INHA: variants seen among roughly 807,000 people sequenced by gnomAD.
INHA encodes inhibin alpha chain.
In INHA, 8 loss-of-function variants were observed where a neutral mutation model predicts 21.3. The ratio of observed to expected loss-of-function variants is 0.38; its 90% CI spans 0.22 to 0.68. The LOEUF is 0.68. Ranked by LOEUF, INHA falls within the 30% of genes least tolerant of loss-of-function variation. The pLI is 0.53. For synonymous variants in INHA, 231 were observed against 207.5 expected (o/e 1.11, Z -0.97); for missense variants, 436 against 465.8 (o/e 0.94, Z 0.59).
In INHA at chr2:219,574,788, A is replaced by T; in HGVS notation, c.363A>T (p.Thr121=). ...FRYMFRPSQH[T]RSRQVTSAQL... The stretch of plus-strand genomic sequence containing the variant: ...ACATGTTCCGGCCATCCCAGCATAC[A>T]CGCAGCCGCCAGGTGACTTCAGCCC... The change falls in exon 2 of 2, where the codon ACA becomes ACT. Residue 121 remains threonine (T), a synonymous_variant. Transcript: ENST00000243786. 3.7e-6 allele frequency: 6 copies of T among 1,614,108 alleles called. No individual in the cohort carries two copies. The highest frequency in any genetic ancestry group is 5.1e-6 in the Non-Finnish European group (6 of 1,180,010).
rs1025309043 is a variant in INHA, at chr2:219,575,456, C to T, written c.1031C>T (p.Ser344Leu). ...AGGCCCCTACATGTCCGCACCACCTCGGATGGAGGTTACTCTTTCAAGTAT... is the reference window on the plus strand; with the variant it reads ...AGGCCCCTACATGTCCGCACCACCTTGGATGGAGGTTACTCTTTCAAGTAT... ...TMRPLHVRTT[S>L]DGGYSFKYET... The change falls in exon 2 of 2, where the codon TCG becomes TTG. Residue 344 changes from serine to leucine, a missense_variant. By Grantham distance (145) the Ser-to-Leu change is moderately radical. Coordinates refer to ENST00000243786, the MANE Select transcript of INHA (RefSeq NM_002191.4). 11 of 1,613,956 alleles carry T rather than the reference C, an allele frequency of 6.8e-6. No homozygotes were observed. Among genetic ancestry groups the T allele is most frequent in the Admixed American group, 3.3e-5 (2 of 60,012 alleles).
rs537621466 is a variant in INHA, at chr2:219,575,026, C to T, written c.601C>T (p.Pro201Ser). 8.7e-6 allele frequency: 14 copies of T among 1,613,360 alleles called. 1 individual carries two copies. In the South Asian group the frequency reaches 1.4e-4, roughly 16 times the overall value. The part of the protein sequence containing the change: ...HPVLVLLLRC[P>S]LCTCSARPEA... ...CGTCCTGGTGCTGCTGCTGCGCTGT[C>T]CCCTCTGTACCTGCTCAGCCCGGCC... The change falls in exon 2 of 2, where the codon CCC (proline) becomes TCC (serine). Residue 201 changes from proline to serine, a missense_variant. By Grantham distance (74) the Pro-to-Ser change is moderately conservative. Transcript: ENST00000243786.
At chr2:219,574,549 G>T (rs897112591) in intron 1 of INHA, 145 bp from the exon 2 acceptor site, 2 of 652,892 alleles carry the variant, frequency 3.1e-6, no homozygotes, top group African/African-American at 1.8e-5. Flanking sequence ...AAACTCAGGA[G>T]AGTCCCCACG....
rs369278709 is a variant in INHA, at chr2:219,575,184, G to A, written c.759G>A (p.Pro253=). ...PSALRLLQRP[P]EEPAAHANCH... ...CTCTGCGCCTGCTGCAGAGGCCTCC[G>A]GAGGAACCGGCTGCCCATGCCAACT... Residue 253 remains proline (P), a synonymous_variant, in exon 2 of 2, where the codon CCG becomes CCA. Coordinates refer to ENST00000243786, the MANE Select transcript of INHA (RefSeq NM_002191.4). The A allele has an allele frequency of 3.7e-5, 60 of 1,614,268 alleles. No individual in the cohort carries two copies. The highest frequency in any genetic ancestry group is 1.0e-4 in the Admixed American group (6 of 60,038).
chr2:219,572,462 C>G lies in INHA; in HGVS notation c.88C>G (p.Leu30Val), dbSNP rs1156448678. 6.2e-7 allele frequency: 1 copy of G among 1,613,896 alleles called. No homozygotes were observed. Among genetic ancestry groups the G allele is most frequent in the African/African-American group, 1.3e-5 (1 of 74,926 alleles). ...QGLELARELVLAKVRALFLDA... is the reference protein window; with the variant it reads ...QGLELARELVVAKVRALFLDA... ...GCTGGAGCTGGCCCGGGAACTTGTT[C>G]TGGCCAAGGTGAGGGCCCTGTTCTT... The change falls in exon 1 of 2, where the codon CTG (leucine) becomes GTG (valine). Residue 30 changes from leucine (L) to valine (V), a missense_variant. Coordinates refer to ENST00000243786, the MANE Select transcript of INHA (RefSeq NM_002191.4).
intron 1 of INHA, among the ~76,000 whole-genome samples, chr2:219,573,930 C>T (rs1697476229): frequency 6.6e-6 from 1 of 150,782 alleles, no homozygotes; most frequent in Non-Finnish European, 1.5e-5. Flanking sequence ...CGAGATGGCG[C>T]CACTGCACTC....
In INHA at chr2:219,572,470, G is replaced by A. The variant is rs745568027; in HGVS notation, c.96G>A (p.Lys32=). The A allele has an allele frequency of 3.7e-6, 6 of 1,613,864 alleles. No homozygotes were observed. The East Asian group carries it at 1.3e-4, about 36-fold the overall frequency. The part of the protein sequence containing the change: ...LELARELVLA[K]VRALFLDALG... The stretch of plus-strand genomic sequence containing the variant: ...TGGCCCGGGAACTTGTTCTGGCCAA[G>A]GTGAGGGCCCTGTTCTTGGATGCCT... Residue 32 remains lysine, a synonymous_variant, in exon 1 of 2, where the codon AAG becomes AAA. Transcript: ENST00000243786.
intron 1 of INHA, 96 bp downstream of exon 1, chr2:219,572,738 C>T: frequency 7.3e-7 from 1 of 1,368,190 alleles, no homozygotes; most frequent in South Asian, 1.3e-5. Context: ...GAATCCTAGT[C>T]CTGCTACTCA....
At position 219,574,857 on chromosome 2, in the gene INHA, C is replaced by T. The variant is rs560643301; in HGVS notation, c.432C>T (p.Ala144=). The T allele has an allele frequency of 4.8e-5, 77 of 1,614,104 alleles. No homozygotes were observed. In the South Asian group the frequency reaches 8.1e-4, roughly 17 times the overall value. ...HTGLDRQGTA[A]SNSSEPLLGL... Reference sequence around the variant, plus strand: ...GGCTGGACAGGCAGGGCACAGCAGCCTCCAATAGCTCTGAGCCCCTGCTAG... The same window carrying T: ...GGCTGGACAGGCAGGGCACAGCAGCTTCCAATAGCTCTGAGCCCCTGCTAG... The change falls in exon 2 of 2, where the codon GCC becomes GCT. Residue 144 remains alanine (A), a synonymous_variant. Coordinates refer to ENST00000243786, the MANE Select transcript of INHA (RefSeq NM_002191.4).
At position 219,574,974 on chromosome 2, in the gene INHA, C is replaced by T. The variant is rs1452619393; in HGVS notation, c.549C>T (p.Thr183=). ...ACTGGGCCGTGCTGCACCTGGCCAC[C>T]TCTGCTCTCTCTCTGCTGACCCACC... is the stretch of plus-strand genomic sequence containing the variant. ...PPHWAVLHLA[T]SALSLLTHPV... Residue 183 remains threonine, a synonymous_variant, in exon 2 of 2, where the codon ACC becomes ACT. Coordinates refer to ENST00000243786, the MANE Select transcript of INHA (RefSeq NM_002191.4). The T allele has an allele frequency of 6.2e-7, 1 of 1,613,686 alleles. No individual in the cohort carries two copies. Among genetic ancestry groups the T allele is most frequent in the Non-Finnish European group, 8.5e-7 (1 of 1,180,020 alleles).
chr2:219,573,964 T>G (rs1574596296), intron 1 of INHA, among the ~76,000 whole-genome samples: 1 of 109,336 alleles, frequency 9.1e-6, no homozygotes. Flanking sequence ...AGAGCTAGAC[T>G]CCATCTCAAA....
At position 219,574,779 on chromosome 2, in the gene INHA, C is replaced by T. The variant is rs1484965880; in HGVS notation, c.354C>T (p.Ser118=). 6.2e-7 allele frequency: 1 copy of T among 1,614,130 alleles called. No homozygotes were observed. The highest frequency in any genetic ancestry group is 1.1e-5 in the South Asian group (1 of 91,090). ...EGLFRYMFRP[S]QHTRSRQVTS... ...TCTTCAGATACATGTTCCGGCCATC[C>T]CAGCATACACGCAGCCGCCAGGTGA... is the stretch of plus-strand genomic sequence containing the variant. The change falls in exon 2 of 2, where the codon TCC becomes TCT. Residue 118 remains serine (S), a synonymous_variant. Transcript: ENST00000243786.
At chr2:219,574,399 G>A (rs764449442) in intron 1 of INHA, among the ~76,000 whole-genome samples, 1 of 152,216 alleles carries the variant, frequency 6.6e-6, no homozygotes, top group Non-Finnish European at 1.5e-5. Context: ...CTGGTGAAGT[G>A]GAGAGAGGGC....
intron 1 of INHA, 124 bp downstream of exon 1, chr2:219,572,766 G>A (rs1055180727): frequency 1.8e-5 from 20 of 1,081,896 alleles, no homozygotes; most frequent in African/African-American, 3.1e-5. Flanking sequence ...TGCAGCAATA[G>A]GCCAGTTACT....
In INHA at chr2:219,572,420, G is replaced by T. The variant is rs374972575; in HGVS notation, c.46G>T (p.Gly16Trp). 32 of 1,613,948 alleles carry T rather than the reference G, an allele frequency of 2.0e-5. No homozygotes were observed. The highest frequency in any genetic ancestry group is 2.6e-5 in the Non-Finnish European group (31 of 1,180,034). Residue 16 changes from glycine to tryptophan, a missense_variant, in exon 1 of 2, where the codon GGG becomes TGG. Transcript: ENST00000243786. ...LLFLLLTPQGGHSCQGLELAR... is the reference protein window; with the variant it reads ...LLFLLLTPQGWHSCQGLELAR... Reference sequence around the variant, plus strand: ...CTTCTTGCTGCTGACCCCACAGGGTGGGCACAGCTGCCAGGGGCTGGAGCT... The same window carrying T: ...CTTCTTGCTGCTGACCCCACAGGGTTGGCACAGCTGCCAGGGGCTGGAGCT...
intron 1 of INHA, among the ~76,000 whole-genome samples, chr2:219,574,272 C>G (rs966173184): frequency 7.7e-6 from 1 of 129,500 alleles, no homozygotes; most frequent in Non-Finnish European, 1.6e-5. Flanking sequence ...CAGTAAGACT[C>G]TGTCTCAAAA....
Position 219,575,085 on chromosome 2 carries a change from G to A in INHA, c.660G>A (p.Arg220=), listed in dbSNP as rs781700503. The change falls in exon 2 of 2, where the codon CGG becomes CGA. Residue 220 remains arginine (R), a synonymous_variant. Coordinates refer to ENST00000243786, the MANE Select transcript of INHA (RefSeq NM_002191.4). ...EATPFLVAHT[R]TRPPSGGERA... is the part of the protein sequence containing the mutation. ...CGCCCTTCCTGGTGGCCCACACTCG[G>A]ACCAGACCACCCAGTGGAGGGGAGA... is the stretch of plus-strand genomic sequence containing the variant. The A allele has an allele frequency of 6.2e-7, 1 of 1,613,902 alleles. No individual in the cohort carries two copies. Among genetic ancestry groups the A allele is most frequent in the South Asian group, 1.1e-5 (1 of 91,078 alleles).
In INHA at chr2:219,574,902, G is replaced by C; in HGVS notation, c.477G>C (p.Pro159=). Residue 159 remains proline, a synonymous_variant, in exon 2 of 2, where the codon CCG becomes CCC. Coordinates refer to ENST00000243786, the MANE Select transcript of INHA (RefSeq NM_002191.4). ...EPLLGLLALS[P]GGPVAVPMSL... is the part of the protein sequence containing the mutation. ...TGCTAGGCCTGCTGGCACTGTCACC[G>C]GGAGGACCCGTGGCTGTGCCCATGT... is the stretch of plus-strand genomic sequence containing the variant. 1 of 1,614,170 alleles carries C rather than the reference G, an allele frequency of 6.2e-7. No individual in the cohort carries two copies. The highest frequency in any genetic ancestry group is 1.1e-5 in the South Asian group (1 of 91,082).
rs925032942 is a variant in INHA at position 219,574,837 on chromosome 2, G to T, written c.412G>T (p.Asp138Tyr). 3 of 1,613,948 alleles carry T rather than the reference G, an allele frequency of 1.9e-6. No homozygotes were observed. Among genetic ancestry groups the T allele is most frequent in the Non-Finnish European group, 2.5e-6 (3 of 1,179,982 alleles). ...SAQLWFHTGL[D>Y]RQGTAASNSS... ...CCAGCTGTGGTTCCACACCGGGCTG[G>T]ACAGGCAGGGCACAGCAGCCTCCAA... Residue 138 changes from aspartate to tyrosine, a missense_variant, in exon 2 of 2, where the codon GAC becomes TAC. Physicochemically the swap from Asp to Tyr is radical, Grantham distance 160. Coordinates refer to ENST00000243786, the MANE Select transcript of INHA (RefSeq NM_002191.4).
Sources: gnomAD v4.1 joint callset for allele counts (sites outside exome capture counted in the v4.1 genomes callset) on GRCh38, gnomAD v4.1.1 for gene constraint, MANE v1.5 for transcripts, NCBI Gene and HGNC (gene_info 2026-07-23, HGNC 2026-07-21) for gene names.